MAP3K4: variants seen among roughly 807,000 people sequenced by gnomAD.
MAP3K4 encodes MAP three kinase 1.
In MAP3K4, 67 loss-of-function variants were observed where a neutral mutation model predicts 185.6. The ratio of observed to expected loss-of-function variants is 0.36; its 90% CI spans 0.30 to 0.44. The LOEUF (loss-of-function observed/expected upper bound fraction) is 0.44, where lower values mean the gene tolerates loss of function less well. Ranked by LOEUF, MAP3K4 falls within the 20% of genes least tolerant of loss-of-function variation. The probability of loss-of-function intolerance (pLI) is 1.00; values close to 1 mark genes in which losing one functional copy is unlikely to be tolerated. For synonymous variants in MAP3K4, 702 were observed against 710.4 expected (o/e 0.99, Z 0.19); for missense variants, 1,551 against 1,995.1 (o/e 0.78, Z 4.24).
chr6:161,084,650 C>A lies in MAP3K4; in HGVS notation c.2372+33C>A. The A allele has an allele frequency of 1.6e-6, 2 of 1,217,614 alleles. No homozygotes were observed. Among genetic ancestry groups the A allele is most frequent in the Non-Finnish European group, 2.4e-6 (2 of 819,192 alleles). The allele number at this position is 1,217,614 out of a possible 1,614,324, so 75.4% of individuals were successfully genotyped here. ...TTGTGCTTCCTTTCCCCTTCCACTTCTTATCTCGTAGTTTCCTTCCTCATG... is the reference window on the plus strand; with the variant it reads ...TTGTGCTTCCTTTCCCCTTCCACTTATTATCTCGTAGTTTCCTTCCTCATG... On this transcript the variant is annotated intron_variant, in intron 7 of 26. Coordinates refer to ENST00000392142, the MANE Select transcript of MAP3K4 (RefSeq NM_005922.4). The surrounding 1 kb of genome is among the most constrained non-coding windows in gnomAD (Gnocchi z 4.6).
intron 15 of MAP3K4, among the ~76,000 whole-genome samples, chr6:161,095,156 G>A (rs572790182): frequency 1.3e-5 from 2 of 152,188 alleles, no homozygotes; most frequent in East Asian, 1.9e-4. Context: ...AATTAATAGC[G>A]CTCTCTGGAG....
rs1778418786 is a variant in MAP3K4, at chr6:161,112,999, G to A, written c.4626+225G>A. Among the ~76,000 whole-genome samples the A allele has an allele frequency of 6.6e-6, 1 of 152,100 alleles. No individual in the cohort carries two copies. The highest frequency in any genetic ancestry group is 2.1e-4 in the South Asian group (1 of 4,818). ...AGAGAACTCTTATGAGTGAATTTAA[G>A]AAGCATAAACCTCTAATTAAAACAC... On this transcript the variant is annotated intron_variant, in intron 25 of 26. Transcript: ENST00000392142. The surrounding 1 kb of genome is among the most constrained non-coding windows in gnomAD (Gnocchi z 5.1).
At position 161,036,093 on chromosome 6, in the gene MAP3K4, A is replaced by G. The variant is rs187185118; in HGVS notation, c.343+1644A>G. Among the ~76,000 whole-genome samples, 62 of 152,362 alleles carry G rather than the reference A, an allele frequency of 4.1e-4. 1 individual carries two copies. The East Asian group carries it at 8.9e-3, about 22-fold the overall frequency. On this transcript the variant is annotated intron_variant, in intron 2 of 26. Coordinates refer to ENST00000392142, the MANE Select transcript of MAP3K4 (RefSeq NM_005922.4). ...TCTTTCACTAATCAGTGAGACAGCCAGTCACTAGATGTTTGTTGAGGTTCT... is the reference window on the plus strand; with the variant it reads ...TCTTTCACTAATCAGTGAGACAGCCGGTCACTAGATGTTTGTTGAGGTTCT...
At chr6:161,023,926 A>T (rs1030549650) in intron 1 of MAP3K4, among the ~76,000 whole-genome samples, 3 of 152,172 alleles carry the variant, frequency 2.0e-5, no homozygotes, top group Non-Finnish European at 4.4e-5. Flanking sequence ...ATTAAGTCTT[A>T]AATAAACTTT....
Position 161,116,294 on chromosome 6 carries a change from T to C in MAP3K4, c.4807-556T>C, listed in dbSNP as rs1163295901. 6.6e-6 allele frequency among the ~76,000 whole-genome samples: 1 copy of C among 151,920 alleles called. No individual in the cohort carries two copies. Among genetic ancestry groups the C allele is most frequent in the Non-Finnish European group, 1.5e-5 (1 of 67,982 alleles). On this transcript the variant is annotated intron_variant, in intron 26 of 26. Coordinates refer to ENST00000392142, the MANE Select transcript of MAP3K4 (RefSeq NM_005922.4). The surrounding 1 kb of genome is among the most constrained non-coding windows in gnomAD (Gnocchi z 6.2). ...CTGCTTGGAGATTTCACATGGGCAT[T>C]TGGATACCTGGGGCTGGCACTCAAG...
In MAP3K4 at chr6:161,037,919, T is replaced by C. The variant is rs953690973; in HGVS notation, c.343+3470T>C. ...GTCCTGCCTGGACTACACATTTCCT[T>C]GTATGTCTTCCTAGTCCTTCGCTTT... On this transcript the variant is annotated intron_variant, in intron 2 of 26. Coordinates refer to ENST00000392142, the MANE Select transcript of MAP3K4 (RefSeq NM_005922.4). The surrounding 1 kb of genome is among the most constrained non-coding windows in gnomAD (Gnocchi z 4.2). 6.6e-6 allele frequency among the ~76,000 whole-genome samples: 1 copy of C among 152,168 alleles called. No individual in the cohort carries two copies. The highest frequency in any genetic ancestry group is 2.4e-5 in the African/African-American group (1 of 41,446).
At position 161,051,811 on chromosome 6, in the gene MAP3K4, C is replaced by T. The variant is rs1487369751; in HGVS notation, c.1707+1832C>T. On this transcript the variant is annotated intron_variant, in intron 3 of 26. Transcript: ENST00000392142. This position sits in a 1 kb window ranked among gnomAD's most constrained non-coding sequence, Gnocchi z 4.2. ...TATAATACCTAATACAATGTAAATGCTGTGTAAATAGTTGTTATACTGTAT... is the reference window on the plus strand; with the variant it reads ...TATAATACCTAATACAATGTAAATGTTGTGTAAATAGTTGTTATACTGTAT... 6.6e-6 allele frequency among the ~76,000 whole-genome samples: 1 copy of T among 152,066 alleles called. No individual in the cohort carries two copies. Among genetic ancestry groups the T allele is most frequent in the Non-Finnish European group, 1.5e-5 (1 of 68,012 alleles).
chr6:161,037,221 GACTATTGCAGC>G lies in MAP3K4; in HGVS notation c.343+2775_343+2785del, dbSNP rs1783210445. 6.6e-6 allele frequency among the ~76,000 whole-genome samples: 1 copy of G among 152,154 alleles called. No homozygotes were observed. The highest frequency in any genetic ancestry group is 6.5e-5 in the Admixed American group (1 of 15,276). On this transcript the variant is annotated intron_variant, in intron 2 of 26. Coordinates refer to ENST00000392142, the MANE Select transcript of MAP3K4 (RefSeq NM_005922.4). This position sits in a 1 kb window ranked among gnomAD's most constrained non-coding sequence, Gnocchi z 4.2. ...GTCTTTGAGAATTTATTTGTTCTCA[GACTATTGCAGC>G]ACAGCATGGTGGACAAAAGCAGAAT...
At chr6:161,042,914 A>G (rs1369703110) in intron 2 of MAP3K4, among the ~76,000 whole-genome samples, 141 of 8,150 alleles carry the variant, frequency 0.017, no homozygotes, top group African/African-American at 0.05. Flanking sequence ...ATTTGCACAC[A>G]CACACACACA....
chr6:161,060,618 CTTTTTTTTTTTT>C (rs35196179), intron 3 of MAP3K4, among the ~76,000 whole-genome samples: 1 of 126,414 alleles, frequency 7.9e-6, no homozygotes, highest in Admixed American at 8.0e-5. Context: ...TTTTCTTTTT[CTTTTTTTTTTTT>C]TTTTTTTGAG....
chr6:161,070,904 G>T lies in MAP3K4; in HGVS notation c.1950+54G>T. The T allele has an allele frequency of 3.5e-6, 5 of 1,439,462 alleles. No individual in the cohort carries two copies. The highest frequency in any genetic ancestry group is 2.5e-5 in the East Asian group (1 of 40,394). The allele number at this position is 1,439,462 out of a possible 1,614,324, so 89.2% of individuals were successfully genotyped here. Reference sequence around the variant, plus strand: ...TAGCAATTATTATATTATCCTACAGGCTTATCATTTTTATTTTGAGAGTTC... The same window carrying T: ...TAGCAATTATTATATTATCCTACAGTCTTATCATTTTTATTTTGAGAGTTC... On this transcript the variant is annotated intron_variant, in intron 4 of 26. Coordinates refer to ENST00000392142, the MANE Select transcript of MAP3K4 (RefSeq NM_005922.4). This position sits in a 1 kb window ranked among gnomAD's most constrained non-coding sequence, Gnocchi z 4.5.
Position 161,022,510 on chromosome 6 carries a change from C to T in MAP3K4, c.153-11749C>T, listed in dbSNP as rs1330384346. Among the ~76,000 whole-genome samples, 1 of 152,180 alleles carries T rather than the reference C, an allele frequency of 6.6e-6. No individual in the cohort carries two copies. Among genetic ancestry groups the T allele is most frequent in the African/African-American group, 2.4e-5 (1 of 41,450 alleles). On this transcript the variant is annotated intron_variant, in intron 1 of 26. Transcript: ENST00000392142. This position sits in a 1 kb window ranked among gnomAD's most constrained non-coding sequence, Gnocchi z 4.2. The stretch of plus-strand genomic sequence containing the variant: ...CTGAACTGCCAGTCCATACTTTCTC[C>T]TGGTCTCTCTCTCATGCTATGCTCT...
intron 4 of MAP3K4, among the ~76,000 whole-genome samples, chr6:161,072,885 C>T (rs1452736277): frequency 6.6e-6 from 1 of 151,952 alleles, no homozygotes; most frequent in Non-Finnish European, 1.5e-5. Flanking sequence ...TGCAAATTTG[C>T]CCATTTTTTG....
chr6:161,035,464 G>A lies in MAP3K4; in HGVS notation c.343+1015G>A, dbSNP rs566417712. ...TCAGAGCCCTTCCTCAAGAGAGCAG[G>A]AGGGCAAGAGAAGTGGGTTTTGTTG... On this transcript the variant is annotated intron_variant, in intron 2 of 26. Transcript: ENST00000392142. Among the ~76,000 whole-genome samples, 6 of 152,312 alleles carry A rather than the reference G, an allele frequency of 3.9e-5. 1 individual carries two copies. In the South Asian group the frequency reaches 1.2e-3, roughly 32 times the overall value.
chr6:161,038,329 A>G (rs1483939004), intron 2 of MAP3K4, among the ~76,000 whole-genome samples: 1 of 152,226 alleles, frequency 6.6e-6, no homozygotes, highest in East Asian at 1.9e-4. Context: ...TGTGACCTCA[A>G]AGCTGAGTCA....
In MAP3K4 at chr6:161,076,545, A is replaced by T. The variant is rs531987190; in HGVS notation, c.2097+2933A>T. 1.5e-4 allele frequency among the ~76,000 whole-genome samples: 23 copies of T among 152,338 alleles called. No homozygotes were observed. In the East Asian group the frequency reaches 4.2e-3, roughly 28 times the overall value. Reference sequence around the variant, plus strand: ...ATCTAAATCAAAGCTGTGAATTGTTATCTCATTTCCTGGGTCCCTGGCCTC... The same window carrying T: ...ATCTAAATCAAAGCTGTGAATTGTTTTCTCATTTCCTGGGTCCCTGGCCTC... On this transcript the variant is annotated intron_variant, in intron 5 of 26. Coordinates refer to ENST00000392142, the MANE Select transcript of MAP3K4 (RefSeq NM_005922.4). The surrounding 1 kb of genome is among the most constrained non-coding windows in gnomAD (Gnocchi z 4.2).
chr6:161,100,687 C>A lies in MAP3K4; in HGVS notation c.3675-1205C>A, dbSNP rs936773620. ...TGAGTATATGTTCTTGCTTTTTACC[C>A]GTGCAAAAATCTCTTAAGGACATGG... On this transcript the variant is annotated intron_variant, in intron 17 of 26. Coordinates refer to ENST00000392142, the MANE Select transcript of MAP3K4 (RefSeq NM_005922.4). This position sits in a 1 kb window ranked among gnomAD's most constrained non-coding sequence, Gnocchi z 5.8. Among the ~76,000 whole-genome samples, 2 of 152,118 alleles carry A rather than the reference C, an allele frequency of 1.3e-5. No individual in the cohort carries two copies. Among genetic ancestry groups the A allele is most frequent in the Admixed American group, 6.6e-5 (1 of 15,264 alleles).
Position 161,106,451 on chromosome 6 carries a change from G to A in MAP3K4, c.3857-63G>A. ...TATATTGCTCTATTTTTATTGGTTTGTCTTTTGGAAACTGACTTGATAACA... is the reference window on the plus strand; with the variant it reads ...TATATTGCTCTATTTTTATTGGTTTATCTTTTGGAAACTGACTTGATAACA... On this transcript the variant is annotated intron_variant, in intron 19 of 26. Coordinates refer to ENST00000392142, the MANE Select transcript of MAP3K4 (RefSeq NM_005922.4). The surrounding 1 kb of genome is among the most constrained non-coding windows in gnomAD (Gnocchi z 4.9). 8.0e-7 allele frequency: 1 copy of A among 1,250,056 alleles called. No homozygotes were observed. The allele number at this position is 1,250,056 out of a possible 1,614,324, so 77.4% of individuals were successfully genotyped here.
chr6:161,004,927 A>G (rs1740393467), intron 1 of MAP3K4, among the ~76,000 whole-genome samples: 1 of 152,222 alleles, frequency 6.6e-6, no homozygotes, highest in Admixed American at 6.5e-5. Context: ...TCTGATAAAC[A>G]TTTGACGTTG....
Sources: allele counts gnomAD v4.1 joint callset (sites outside exome capture counted in the v4.1 genomes callset), GRCh38; gene constraint gnomAD v4.1.1; non-coding constraint Gnocchi (gnomAD v3.1); transcripts MANE v1.5; gene names NCBI Gene and HGNC (gene_info 2026-07-23, HGNC 2026-07-21).